Variants in LARGE1 observed in about 807,000 individuals in gnomAD.
LARGE1 encodes the protein LARGE xylosyl- and glucuronyltransferase 1.
In LARGE1, 43 loss-of-function variants were observed where a neutral mutation model predicts 87.6. That is an observed-to-expected ratio of 0.49 (90% confidence interval 0.38 to 0.63). The LOEUF (loss-of-function observed/expected upper bound fraction) is 0.63. Among genes scored for constraint, LARGE1 ranks in the 30% least tolerant of loss-of-function variants. LARGE1 has a pLI of 0.00. For synonymous variants in LARGE1, 434 were observed against 394.6 expected, an observed-to-expected ratio of 1.10 and a Z score of -1.18; for missense variants, 802 against 1,000.2, an observed-to-expected ratio of 0.80 and a Z score of 2.67.
intron 11 of LARGE1, among the ~76,000 whole-genome samples, chr22:33,311,658 C>T (rs1024675314): frequency 2.0e-5 from 3 of 152,170 alleles, no homozygotes; most frequent in African/African-American, 7.2e-5. Context: ...TAGGAAGTGG[C>T]ACAAGTGTAC....
chr22:33,650,193 A>G (rs1199364326), intron 3 of LARGE1, among the ~76,000 whole-genome samples, 174 bp downstream of exon 3: 2 of 152,226 alleles, frequency 1.3e-5, no homozygotes, highest in African/African-American at 4.8e-5. Context: ...GAGAGGCTAA[A>G]TGACTTGTCA....
Position 33,728,576 on chromosome 22 carries a change from A to AAC in LARGE1, c.106+32794_106+32795insGT, listed in dbSNP as rs1556015676. Among the ~76,000 whole-genome samples, 725 of 103,750 alleles carry AAC rather than the reference A, an allele frequency of 7.0e-3. 57 individuals are homozygous for AAC. Among genetic ancestry groups the AAC allele is most frequent in the African/African-American group, 0.021 (661 of 31,874 alleles). The allele number at this position is 103,750 out of a possible 152,430, so 68.1% of individuals were successfully genotyped here. ...CAAAAAAAAAAAAAAAAAAAAAAAA[A>AAC]AAACCAACAACAGAGACACATTTCC... On this transcript the variant is annotated intron_variant, in intron 2 of 14. Coordinates refer to ENST00000397394, the MANE Select transcript of LARGE1 (RefSeq NM_133642.5).
intron 6 of LARGE1, among the ~76,000 whole-genome samples, chr22:33,563,814 C>T (rs1164840874): frequency 1.3e-5 from 2 of 151,802 alleles, no homozygotes; most frequent in Non-Finnish European, 2.9e-5. Flanking sequence ...GAAAGAGTCC[C>T]GGGGATCAAA....
chr22:33,146,493 A>G, the LARGE1 span, among the ~76,000 whole-genome samples: 1 of 152,152 alleles, frequency 6.6e-6, no homozygotes, highest in Non-Finnish European at 1.5e-5. Context: ...TCATATTTAA[A>G]AGGGGAAAGA....
At chr22:33,433,661 A>G (rs1326268290) in intron 6 of LARGE1, among the ~76,000 whole-genome samples, 1 of 151,992 alleles carries the variant, frequency 6.6e-6, no homozygotes, top group Non-Finnish European at 1.5e-5. Context: ...GAGAGTTTAA[A>G]TAACTTGGAA....
intron 5 of LARGE1, among the ~76,000 whole-genome samples, chr22:33,595,220 A>G (rs1334009957): frequency 1.3e-5 from 2 of 152,036 alleles, no homozygotes; most frequent in African/African-American, 4.8e-5. Context: ...GGTACAAGAG[A>G]TGTTTTGATA....
intron 11 of LARGE1, among the ~76,000 whole-genome samples, chr22:33,202,210 A>G (rs1568971754): frequency 6.6e-6 from 1 of 152,130 alleles, no homozygotes; most frequent in Admixed American, 6.5e-5. Context: ...GGGACACTAG[A>G]ACAGAGAAAG....
the LARGE1 span, among the ~76,000 whole-genome samples, chr22:33,128,065 A>G: frequency 6.6e-6 from 1 of 152,304 alleles, no homozygotes; most frequent in East Asian, 1.9e-4. Context: ...TGTTCAGAGA[A>G]AAACCTTTTT....
chr22:33,114,203 T>C, the LARGE1 span, among the ~76,000 whole-genome samples: 17 of 152,152 alleles, frequency 1.1e-4, no homozygotes, highest in Non-Finnish European at 1.5e-5. Context: ...ATAGTGACAA[T>C]GGGCTGTTGC....
At chr22:33,124,388 G>A in the LARGE1 span, among the ~76,000 whole-genome samples, 2 of 151,218 alleles carry the variant, frequency 1.3e-5, no homozygotes, top group African/African-American at 2.4e-5. Flanking sequence ...AAGGAAGGGA[G>A]GAAGGAAAAT....
At chr22:33,294,263 G>T (rs1932940677) in intron 12 of LARGE1, among the ~76,000 whole-genome samples, 1 of 152,378 alleles carries the variant, frequency 6.6e-6, no homozygotes, top group South Asian at 2.1e-4. Flanking sequence ...TCGCAGGGCT[G>T]AAGGCACTGG....
At chr22:33,496,479 G>A (rs1465548068) in intron 6 of LARGE1, among the ~76,000 whole-genome samples, 4 of 152,096 alleles carry the variant, frequency 2.6e-5, no homozygotes, top group Admixed American at 6.5e-5. Flanking sequence ...TAAGGACACA[G>A]CAAGAAGGGT....
At chr22:33,345,575 G>A (rs796193804) in intron 9 of LARGE1, among the ~76,000 whole-genome samples, 3 of 152,364 alleles carry the variant, frequency 2.0e-5, no homozygotes, top group African/African-American at 7.2e-5. Flanking sequence ...CCCCATGGGT[G>A]TGATCTGATT....
At chr22:33,616,421 A>G (rs1312053277) in intron 4 of LARGE1, among the ~76,000 whole-genome samples, 1 of 152,132 alleles carries the variant, frequency 6.6e-6, no homozygotes, top group Non-Finnish European at 1.5e-5. Flanking sequence ...AATTCCAGCT[A>G]CTTGGGAGGC....
chr22:33,098,736 G>A, the LARGE1 span, among the ~76,000 whole-genome samples: 22,687 of 152,212 alleles, frequency 0.15, 2,136 homozygotes, highest in East Asian at 0.41. Flanking sequence ...TAGAGCTGGC[G>A]TTCTCTAACT....
At chr22:33,515,190 A>T (rs1442467614) in intron 6 of LARGE1, among the ~76,000 whole-genome samples, 1 of 152,180 alleles carries the variant, frequency 6.6e-6, no homozygotes, top group Non-Finnish European at 1.5e-5. Flanking sequence ...TCCAGACCGC[A>T]AGCTCTTGAC....
chr22:33,715,211 T>G (rs2082873510), intron 2 of LARGE1, among the ~76,000 whole-genome samples: 1 of 152,196 alleles, frequency 6.6e-6, no homozygotes, highest in African/African-American at 2.4e-5. Flanking sequence ...AGTTACTGGC[T>G]AGGTCAGGCC....
At chr22:33,852,855 C>A (rs2063638508) in intron 1 of LARGE1, among the ~76,000 whole-genome samples, 2 of 23,372 alleles carry the variant, frequency 8.6e-5, no homozygotes, top group African/African-American at 2.2e-4. Flanking sequence ...GACTCCGTCT[C>A]CAAAAAAAAA....
chr22:33,382,082 G>A (rs1336661701), intron 8 of LARGE1, 38 bp from the exon 9 acceptor site: 8 of 1,612,802 alleles, frequency 5.0e-6, no homozygotes, highest in East Asian at 2.2e-5. Context: ...CAAGACAGTC[G>A]GATGGTCCAG....
Sources: gnomAD v4.1 joint callset for allele counts (sites outside exome capture counted in the v4.1 genomes callset) on GRCh38, gnomAD v4.1.1 for gene constraint, MANE v1.5 for transcripts, NCBI Gene and HGNC (gene_info 2026-07-23, HGNC 2026-07-21) for gene names.